Variants in CSMD2 observed in about 807,000 individuals in gnomAD.
CSMD2 encodes the protein CUB and Sushi multiple domains 2, also known as CUB and sushi domain-containing protein 2.
A neutral mutation model predicts 398.5 loss-of-function variants in CSMD2; 130 were observed. The ratio of observed to expected loss-of-function variants is 0.33; its 90% CI spans 0.28 to 0.38. The LOEUF (loss-of-function observed/expected upper bound fraction) is 0.38, where lower values mean the gene tolerates loss of function less well. CSMD2 is among the 10% of genes least tolerant of loss of function. CSMD2 has a pLI of 1.00. For synonymous variants in CSMD2, 1,828 were observed against 1,908.5 expected (o/e 0.96, Z 1.10); for missense variants, 3,829 against 4,764.9 (o/e 0.80, Z 5.78).
chr1:34,083,256 G>T (rs1657469676), intron 2 of CSMD2, among the ~76,000 whole-genome samples: 1 of 152,198 alleles, frequency 6.6e-6, no homozygotes, highest in African/African-American at 2.4e-5. Context: ...TCATCTGATA[G>T]AACCAGAGAG....
intron 1 of CSMD2, among the ~76,000 whole-genome samples, chr1:34,091,452 A>G (rs944722150): frequency 6.6e-6 from 1 of 152,188 alleles, no homozygotes; most frequent in African/African-American, 2.4e-5. Context: ...AATGGGGCCC[A>G]AGTCACTGTT....
intron 1 of CSMD2, among the ~76,000 whole-genome samples, chr1:34,144,852 T>G (rs1431885007): frequency 6.6e-6 from 1 of 152,236 alleles, no homozygotes; most frequent in Non-Finnish European, 1.5e-5. Flanking sequence ...CTATTTTCAA[T>G]ATTTCAAAGA....
intron 26 of CSMD2, among the ~76,000 whole-genome samples, chr1:33,662,242 T>C (rs1644161388): frequency 6.6e-6 from 1 of 152,232 alleles, no homozygotes; most frequent in South Asian, 2.1e-4. Flanking sequence ...TTCCAGTCTT[T>C]GCTGAGATCT....
chr1:33,776,460 G>A (rs765320767), intron 12 of CSMD2, among the ~76,000 whole-genome samples: 20 of 152,146 alleles, frequency 1.3e-4, no homozygotes, highest in Non-Finnish European at 2.6e-4. Flanking sequence ...CTGAAGGTGA[G>A]GGACAAGTCA....
At chr1:33,968,627 G>T (rs1354339575) in intron 3 of CSMD2, among the ~76,000 whole-genome samples, 3 of 152,148 alleles carry the variant, frequency 2.0e-5, no homozygotes, top group Non-Finnish European at 4.4e-5. Context: ...GCCTCCACCT[G>T]ACATCCACCT....
intron 44 of CSMD2, among the ~76,000 whole-genome samples, chr1:33,587,548 A>C (rs1639172004): frequency 6.6e-6 from 1 of 152,218 alleles, no homozygotes; most frequent in Admixed American, 6.5e-5. Flanking sequence ...AGATTCAGAA[A>C]GGTGAAGTAA....
At chr1:33,768,710 C>T (rs1242204348) in intron 13 of CSMD2, among the ~76,000 whole-genome samples, 1 of 152,094 alleles carries the variant, frequency 6.6e-6, no homozygotes, top group Admixed American at 6.6e-5. Context: ...TCTTTCCCTT[C>T]CAACTCTCCA....
Position 34,164,898 on chromosome 1 carries a change from C to A in CSMD2, c.187+13G>T, listed in dbSNP as rs1477780334. The stretch of plus-strand genomic sequence containing the variant: ...CGCGGCGGCCGCTGGCTCCTCGGCG[C>A]GGCTGGACTCACCCGCGGCGGCCGA... On this transcript the variant is annotated intron_variant, in intron 1 of 70. Coordinates refer to ENST00000373381, the MANE Select transcript of CSMD2 (RefSeq NM_001281956.2). This position sits in a 1 kb window ranked among gnomAD's most constrained non-coding sequence, Gnocchi z 6.2. The A allele has an allele frequency of 2.5e-6, 3 of 1,218,968 alleles. No homozygotes were observed. Among genetic ancestry groups the A allele is most frequent in the Non-Finnish European group, 3.1e-6 (3 of 979,880 alleles). The allele number at this position is 1,218,968 out of a possible 1,614,324, so 75.5% of individuals were successfully genotyped here.
intron 3 of CSMD2, among the ~76,000 whole-genome samples, chr1:33,973,578 G>A (rs1453559677): frequency 1.3e-5 from 2 of 152,238 alleles, no homozygotes; most frequent in African/African-American, 4.8e-5. Context: ...AGAAGGTGAA[G>A]TGCACCTGGT....
At chr1:33,842,929 T>TG (rs1279600735) in intron 6 of CSMD2, among the ~76,000 whole-genome samples, 2 of 152,218 alleles carry the variant, frequency 1.3e-5, no homozygotes, top group East Asian at 3.8e-4. Flanking sequence ...TGCCTTTGCT[T>TG]GACCTGGAAC....
intron 5 of CSMD2, chr1:33,869,321 T>C (rs1640278351): frequency 6.6e-6 from 1 of 152,128 alleles, no homozygotes; most frequent in African/African-American, 2.4e-5. Context: ...AGGGAGATAA[T>C]GAGAAGCCTC....
intron 12 of CSMD2, among the ~76,000 whole-genome samples, chr1:33,786,472 A>G (rs1025545279): frequency 1.3e-5 from 2 of 152,186 alleles, no homozygotes; most frequent in African/African-American, 4.8e-5. Flanking sequence ...ATAGCCCCAC[A>G]GCTGCTTATG....
At chr1:33,917,075 G>A (rs756979415) in intron 5 of CSMD2, among the ~76,000 whole-genome samples, 7 of 151,876 alleles carry the variant, frequency 4.6e-5, no homozygotes, top group Non-Finnish European at 8.8e-5. Flanking sequence ...TATGCCCTCC[G>A]TCCATCCACT....
chr1:34,079,313 T>G (rs550549910), intron 2 of CSMD2, among the ~76,000 whole-genome samples: 1 of 152,166 alleles, frequency 6.6e-6, no homozygotes, highest in East Asian at 1.9e-4. Context: ...AAAGGAAGAA[T>G]TAAAACTTTT....
At chr1:34,047,636 G>A (rs1652682042) in intron 2 of CSMD2, among the ~76,000 whole-genome samples, 2 of 152,128 alleles carry the variant, frequency 1.3e-5, no homozygotes, top group African/African-American at 4.8e-5. Context: ...ACCATAGGAG[G>A]TAATTACTGA....
At chr1:33,932,727 T>C (rs1048817588) in intron 4 of CSMD2, among the ~76,000 whole-genome samples, 1 of 152,124 alleles carries the variant, frequency 6.6e-6, no homozygotes, top group Admixed American at 6.5e-5. Flanking sequence ...CAAAAAGATA[T>C]GTTAACATCC....
In CSMD2 at chr1:33,952,075, C is replaced by T. The variant is rs888012493; in HGVS notation, c.518-16121G>A. Among the ~76,000 whole-genome samples the T allele has an allele frequency of 2.0e-5, 3 of 152,184 alleles. No homozygotes were observed. In the East Asian group the frequency reaches 5.8e-4, roughly 29 times the overall value. ...ATGGACACTCAGCATGGTGGGGAGG[C>T]CACAGGAGCCAAGGTAGAGAGAAGG... On this transcript the variant is annotated intron_variant, in intron 3 of 70. Transcript: ENST00000373381.
intron 2 of CSMD2, among the ~76,000 whole-genome samples, chr1:34,035,496 T>G (rs1650998274): frequency 6.6e-6 from 1 of 152,078 alleles, no homozygotes; most frequent in Non-Finnish European, 1.5e-5. Flanking sequence ...TATAAAAATA[T>G]TTTTACACCA....
At chr1:33,707,891 G>C (rs1645859033) in intron 22 of CSMD2, among the ~76,000 whole-genome samples, 1 of 152,102 alleles carries the variant, frequency 6.6e-6, no homozygotes, top group Non-Finnish European at 1.5e-5. Context: ...CCAGAGTAGT[G>C]GGCTCTGGTT....
Sources: gnomAD v4.1 joint callset for allele counts (sites outside exome capture counted in the v4.1 genomes callset) on GRCh38, gnomAD v4.1.1 for gene constraint, Gnocchi (gnomAD v3.1) non-coding constraint, MANE v1.5 for transcripts, NCBI Gene and HGNC (gene_info 2026-07-23, HGNC 2026-07-21) for gene names.